AGBL1: variants seen among roughly 807,000 people sequenced by gnomAD.
AGBL1 encodes AGBL carboxypeptidase 1.
In AGBL1, 130 loss-of-function variants were observed where a neutral mutation model predicts 118.9. The ratio of observed to expected loss-of-function variants is 1.09; its 90% CI spans 0.95 to 1.26. The LOEUF is 1.26. Among genes scored for constraint, AGBL1 ranks in the 50% most tolerant of loss-of-function variants. The pLI is 0.00. For missense variants in AGBL1, 1,584 were observed against 1,298.1 expected, an observed-to-expected ratio of 1.22 and a Z score of -3.38; for synonymous variants, 555 against 478.9, an observed-to-expected ratio of 1.16 and a Z score of -2.08.
In AGBL1 at chr15:86,613,758, AG is replaced by A. The variant is rs760635158; in HGVS notation, c.2994+59224del. ...TCAGAACAGCATCATCTCCATCACC[AG>A]GGAGCTTGTTAGAAATGCAGAATTT... On this transcript the variant is annotated intron_variant, in intron 21 of 22. Coordinates refer to ENST00000614907, the MANE Select transcript of AGBL1 (RefSeq NM_001386094.1). The surrounding 1 kb of genome is among the most constrained non-coding windows in gnomAD (Gnocchi z 4.2). Among the ~76,000 whole-genome samples, 1 of 152,214 alleles carries A rather than the reference AG, an allele frequency of 6.6e-6. No individual in the cohort carries two copies.
At chr15:86,168,684 T>C (rs537901550) in intron 5 of AGBL1, among the ~76,000 whole-genome samples, 1 of 152,338 alleles carries the variant, frequency 6.6e-6, no homozygotes, top group Admixed American at 6.5e-5. Flanking sequence ...TGATAAAATA[T>C]TGACTAGAAA....
At chr15:86,638,463 T>G (rs2085138513) in intron 21 of AGBL1, among the ~76,000 whole-genome samples, 1 of 152,120 alleles carries the variant, frequency 6.6e-6, no homozygotes, top group African/African-American at 2.4e-5. Context: ...TCACTCTATC[T>G]TGTGGGGAAG....
At chr15:86,173,521 C>G (rs868226382) in intron 5 of AGBL1, among the ~76,000 whole-genome samples, 1 of 152,078 alleles carries the variant, frequency 6.6e-6, no homozygotes, top group Non-Finnish European at 1.5e-5. Flanking sequence ...TTTAACCAGA[C>G]CAACCTTCTG....
intron 3 of AGBL1, among the ~76,000 whole-genome samples, chr15:86,150,867 A>G (rs879715592): frequency 2.0e-5 from 3 of 152,230 alleles, no homozygotes; most frequent in African/African-American, 4.8e-5. Context: ...AAAATCCTCA[A>G]TGAAATACTG....
chr15:86,550,475 T>A (rs1468861511), intron 20 of AGBL1, among the ~76,000 whole-genome samples: 1 of 152,162 alleles, frequency 6.6e-6, no homozygotes, highest in Non-Finnish European at 1.5e-5. Flanking sequence ...ATAAAGATGG[T>A]TATATTGACA....
intron 7 of AGBL1, among the ~76,000 whole-genome samples, chr15:86,250,283 G>C (rs2078790171): frequency 6.6e-6 from 1 of 151,858 alleles, no homozygotes; most frequent in Non-Finnish European, 1.5e-5. Context: ...CCAGCACTTT[G>C]GGTGGCTGAG....
chr15:86,888,889 T>A (rs2080010785), intron 22 of AGBL1, among the ~76,000 whole-genome samples: 1 of 152,154 alleles, frequency 6.6e-6, no homozygotes, highest in Non-Finnish European at 1.5e-5. Flanking sequence ...AAGCGCTGAA[T>A]GGCATGCTAC....
At chr15:86,288,065 G>T (rs1338991464) in intron 16 of AGBL1, among the ~76,000 whole-genome samples, 4 of 152,062 alleles carry the variant, frequency 2.6e-5, no homozygotes, top group Non-Finnish European at 4.4e-5. Flanking sequence ...ACACACTACG[G>T]GATATATTTT....
intron 21 of AGBL1, among the ~76,000 whole-genome samples, chr15:86,656,214 A>G (rs1596342201): frequency 6.6e-6 from 1 of 152,246 alleles, no homozygotes; most frequent in Non-Finnish European, 1.5e-5. Context: ...CACATAAACT[A>G]CTTTCAACCA....
At chr15:87,007,961 G>A (rs1249339856) in intron 24 of AGBL1, among the ~76,000 whole-genome samples, 1 of 152,166 alleles carries the variant, frequency 6.6e-6, no homozygotes, top group African/African-American at 2.4e-5. Flanking sequence ...GAGAAATAAT[G>A]GAAGTCATAA....
chr15:86,962,966 T>C (rs1263602403), intron 23 of AGBL1, among the ~76,000 whole-genome samples: 2 of 152,066 alleles, frequency 1.3e-5, no homozygotes, highest in African/African-American at 4.8e-5. Context: ...ACTAGAAACA[T>C]GTAATTAAGG....
chr15:86,203,985 C>T (rs2077948840), intron 5 of AGBL1, among the ~76,000 whole-genome samples: 1 of 152,150 alleles, frequency 6.6e-6, no homozygotes, highest in Non-Finnish European at 1.5e-5. Context: ...ATGTTGCACT[C>T]TTGGCAAGAT....
At chr15:86,888,421 T>C (rs957106102) in intron 22 of AGBL1, among the ~76,000 whole-genome samples, 5 of 152,138 alleles carry the variant, frequency 3.3e-5, no homozygotes, top group Non-Finnish European at 7.4e-5. Context: ...ATGAATCATA[T>C]ACCTTTATTT....
At chr15:86,265,453 A>G (rs1321772453) in intron 11 of AGBL1, among the ~76,000 whole-genome samples, 1 of 152,230 alleles carries the variant, frequency 6.6e-6, no homozygotes, top group Non-Finnish European at 1.5e-5. Flanking sequence ...TATTGAGATT[A>G]AAATGAAAAC....
intron 17 of AGBL1, among the ~76,000 whole-genome samples, chr15:86,320,722 C>CGTGTGTGT (rs3050863): frequency 2.0e-4 from 29 of 148,158 alleles, no homozygotes; most frequent in East Asian, 1.4e-3. Flanking sequence ...TGTGTGTGTG[C>CGTGTGTGT]GTGTGTGTGT....
chr15:87,029,840 C>T (rs754271908), downstream of AGBL1, among the ~76,000 whole-genome samples: 9 of 151,822 alleles, frequency 5.9e-5, no homozygotes, highest in Admixed American at 2.0e-4. Context: ...AACACATGCA[C>T]ACACAAAAGC....
At chr15:86,610,124 G>T (rs533450725) in intron 21 of AGBL1, among the ~76,000 whole-genome samples, 1 of 152,076 alleles carries the variant, frequency 6.6e-6, no homozygotes, top group East Asian at 1.9e-4. Flanking sequence ...TTTGACTACC[G>T]GTTTAAAAAG....
intron 18 of AGBL1, among the ~76,000 whole-genome samples, chr15:86,411,003 G>A (rs2081612061): frequency 7.0e-6 from 1 of 142,604 alleles, no homozygotes; most frequent in African/African-American, 2.6e-5. Flanking sequence ...AAAATTATGG[G>A]GCAAGTATAG....
rs74560935 is a variant in AGBL1 at position 86,536,822 on chromosome 15, A to G, written c.2686-9180A>G. Among the ~76,000 whole-genome samples, 1,290 of 152,322 alleles carry G rather than the reference A, an allele frequency of 8.5e-3. 16 individuals carry two copies. Among genetic ancestry groups the G allele is most frequent in the African/African-American group, 0.028 (1,171 of 41,580 alleles). On this transcript the variant is annotated intron_variant, in intron 19 of 22. Coordinates refer to ENST00000614907, the MANE Select transcript of AGBL1 (RefSeq NM_001386094.1). ...GTGGAAATAGGTGAAAGCAAGAAAT[A>G]CATAGAGATGGGGCCACAGGGACTA...
Sources: allele counts gnomAD v4.1 joint callset (sites outside exome capture counted in the v4.1 genomes callset), GRCh38; gene constraint gnomAD v4.1.1; non-coding constraint Gnocchi (gnomAD v3.1); transcripts MANE v1.5; gene names NCBI Gene and HGNC (gene_info 2026-07-23, HGNC 2026-07-21).